ZNF831: variants seen among roughly 807,000 people sequenced by gnomAD.
ZNF831 encodes zinc finger protein 831, also known as chromosome 20 open reading frame 174.
ZNF831 carries 59 observed loss-of-function variants against 95.8 expected under a neutral mutation model. That is an observed-to-expected ratio of 0.62 (90% CI 0.50 to 0.77). The LOEUF is 0.77. ZNF831 is among the 30% of genes least tolerant of loss of function. ZNF831 has a pLI of 0.00. For synonymous variants in ZNF831, 961 were observed against 925.5 expected, an observed-to-expected ratio of 1.04 and a Z score of -0.70; for missense variants, 2,205 against 2,164.0, an observed-to-expected ratio of 1.02 and a Z score of -0.38.
At chr20:59,228,302 C>A (rs181833834) in intron 4 of ZNF831, among the ~76,000 whole-genome samples, 2 of 152,106 alleles carry the variant, frequency 1.3e-5, no homozygotes, top group African/African-American at 4.8e-5. Flanking sequence ...GCTCATTCAT[C>A]TGTGGAGCCA....
chr20:59,206,827 C>T (rs1374705393), intron 3 of ZNF831, 78 bp from the exon 4 acceptor site: 1 of 1,534,414 alleles, frequency 6.5e-7, no homozygotes, highest in African/African-American at 1.4e-5. Flanking sequence ...TCCTGGGCAC[C>T]CCACAGTGAC....
intron 3 of ZNF831, among the ~76,000 whole-genome samples, chr20:59,196,572 A>G (rs925814408): frequency 6.6e-6 from 1 of 152,116 alleles, no homozygotes; most frequent in Non-Finnish European, 1.5e-5. Flanking sequence ...AAAACCCTTC[A>G]GGCTGCCCGT....
At position 59,143,766 on chromosome 20, in the gene ZNF831, A is replaced by G. The variant is rs566275422; in HGVS notation, c.-1424-2465A>G. Among the ~76,000 whole-genome samples, 161 of 152,324 alleles carry G rather than the reference A, an allele frequency of 1.1e-3. 1 individual carries two copies. Among genetic ancestry groups the G allele is most frequent in the African/African-American group, 3.4e-3 (143 of 41,572 alleles). ...CACTTTCTCCTTTTCTTGGCCTCTAATAATTCAGTGTGTGCTGAGGATTGT... is the reference window on the plus strand; with the variant it reads ...CACTTTCTCCTTTTCTTGGCCTCTAGTAATTCAGTGTGTGCTGAGGATTGT... On this transcript the variant is annotated intron_variant, in intron 1 of 7. Coordinates refer to the ZNF831 transcript ENST00000637017.
intron 4 of ZNF831, among the ~76,000 whole-genome samples, chr20:59,230,097 A>C (rs1256604195): frequency 6.6e-6 from 1 of 152,176 alleles, no homozygotes; most frequent in Non-Finnish European, 1.5e-5. Context: ...TTTTTAAAAT[A>C]ATCTTATTTA....
intron 2 of ZNF831, among the ~76,000 whole-genome samples, chr20:59,158,290 T>C (rs887685774): frequency 6.6e-6 from 1 of 152,154 alleles, no homozygotes; most frequent in Non-Finnish European, 1.5e-5. Flanking sequence ...CAGCCTGGCG[T>C]GCGCAGGAAG....
intron 1 of ZNF831, among the ~76,000 whole-genome samples, chr20:59,184,001 C>A (rs1163198053): frequency 6.6e-6 from 1 of 152,196 alleles, no homozygotes; most frequent in Non-Finnish European, 1.5e-5. Flanking sequence ...AGGATCAGAA[C>A]AATCCCTTTC....
upstream of ZNF831, among the ~76,000 whole-genome samples, chr20:59,163,016 T>C (rs1412351060): frequency 1.1e-5 from 1 of 89,458 alleles, no homozygotes; most frequent in Non-Finnish European, 2.3e-5. Context: ...TATTCCTAGG[T>C]GTGTGTGTGT....
Position 59,192,412 on chromosome 20 carries a change from A to T in ZNF831, c.1393A>T (p.Arg465Trp). ...CCGCGCGCTGGAGCCAGGCCGTAGG[A>T]GGGCCCCGGGCCCCGTGCGCTCCAC... ...DIRALEPGRR[R>W]APGPVRSTWT... Residue 465 changes from arginine (R) to tryptophan (W), a missense_variant, in exon 2 of 6, where the codon AGG becomes TGG. Transcript: ENST00000371030. The surrounding 1 kb of genome is among the most constrained non-coding windows in gnomAD (Gnocchi z 5.2). 1 of 1,611,700 alleles carries T rather than the reference A, an allele frequency of 6.2e-7. No individual in the cohort carries two copies. Among genetic ancestry groups the T allele is most frequent in the Non-Finnish European group, 8.5e-7 (1 of 1,179,316 alleles).
intron 1 of ZNF831, among the ~76,000 whole-genome samples, chr20:59,141,107 C>T (rs1979664337): frequency 6.6e-6 from 1 of 152,168 alleles, no homozygotes; most frequent in Non-Finnish European, 1.5e-5. Flanking sequence ...ACCATGTTGG[C>T]CAGGCTGGTC....
chr20:59,128,070 CAT>C (rs1979233649), intron 1 of ZNF831, among the ~76,000 whole-genome samples: 1 of 152,134 alleles, frequency 6.6e-6, no homozygotes, highest in Non-Finnish European at 1.5e-5. Context: ...CGTGCCCACA[CAT>C]GTGGGGTGTG....
chr20:59,177,039 C>T (rs1982223080), intron 1 of ZNF831, among the ~76,000 whole-genome samples: 1 of 152,214 alleles, frequency 6.6e-6, no homozygotes, highest in Non-Finnish European at 1.5e-5. Flanking sequence ...GCAGAGGTCA[C>T]CTTCCAAGTG....
At chr20:59,145,678 G>A (rs1601294669) in intron 1 of ZNF831, among the ~76,000 whole-genome samples, 1 of 152,318 alleles carries the variant, frequency 6.6e-6, no homozygotes, top group Middle Eastern at 3.4e-3. Context: ...ACCCTCTTTT[G>A]GTTTGGTGGC....
chr20:59,221,257 G>A (rs1199460056), intron 4 of ZNF831, among the ~76,000 whole-genome samples: 1 of 152,210 alleles, frequency 6.6e-6, no homozygotes, highest in African/African-American at 2.4e-5. Flanking sequence ...AGCTCGTAGG[G>A]ATTCGGGAGT....
At chr20:59,140,925 C>T (rs563247369) in intron 1 of ZNF831, among the ~76,000 whole-genome samples, 9 of 152,030 alleles carry the variant, frequency 5.9e-5, no homozygotes, top group African/African-American at 2.2e-4. Context: ...TTTATTGTGG[C>T]ATCTCACTCT....
chr20:59,258,209 T>A lies in ZNF831; in HGVS notation c.*3466T>A, dbSNP rs1195407456. On this transcript the variant is annotated 3_prime_UTR_variant, in exon 6 of 6. Transcript: ENST00000371030. ...AAGATGGAGGAGGGTGTCTCTGAAT[T>A]TTAATGGAAACACTGCCAATAGCAT... is the stretch of plus-strand genomic sequence containing the variant. 6.6e-6 allele frequency: 1 copy of A among 152,182 alleles called. No individual in the cohort carries two copies. The allele number at this position is 152,182 out of a possible 1,614,324, so 9.4% of individuals were successfully genotyped here.
intron 1 of ZNF831, among the ~76,000 whole-genome samples, chr20:59,131,352 G>A (rs959177390): frequency 5.3e-5 from 8 of 152,138 alleles, no homozygotes; most frequent in South Asian, 2.1e-4. Context: ...GTCAGCTCCC[G>A]CACTAAAGCC....
intron 1 of ZNF831, among the ~76,000 whole-genome samples, chr20:59,186,620 G>A (rs1983063502): frequency 6.6e-6 from 1 of 152,154 alleles, no homozygotes; most frequent in African/African-American, 2.4e-5. Context: ...CTGGTCTCCT[G>A]GGGAGGTTCC....
intron 4 of ZNF831, among the ~76,000 whole-genome samples, chr20:59,215,172 A>G (rs932557953): frequency 2.0e-5 from 3 of 152,178 alleles, no homozygotes; most frequent in African/African-American, 7.2e-5. Context: ...CCTTAGAAAC[A>G]CATTTTGCGG....
At chr20:59,129,584 C>T (rs1324354317) in intron 1 of ZNF831, among the ~76,000 whole-genome samples, 1 of 152,222 alleles carries the variant, frequency 6.6e-6, no homozygotes, top group Non-Finnish European at 1.5e-5. Flanking sequence ...GATCACGCCA[C>T]TGCACTCCAG....
Sources: allele counts gnomAD v4.1 joint callset (sites outside exome capture counted in the v4.1 genomes callset), GRCh38; gene constraint gnomAD v4.1.1; non-coding constraint Gnocchi (gnomAD v3.1); transcripts MANE v1.5; gene names NCBI Gene and HGNC (gene_info 2026-07-23, HGNC 2026-07-21).